Variants in GOLGA6L9 observed in about 807,000 individuals in gnomAD.
GOLGA6L9 encodes golgin subfamily A member 6-like protein 9.
GOLGA6L9 carries 19 observed loss-of-function variants against 51.3 expected under a neutral mutation model. The observed-to-expected ratio is 0.37, with a 90% CI of 0.26 to 0.54. The LOEUF (loss-of-function observed/expected upper bound fraction) is 0.54, where lower values mean the gene tolerates loss of function less well. GOLGA6L9 is among the 20% of genes least tolerant of loss of function. The pLI is 0.83. For synonymous variants in GOLGA6L9, 97 were observed against 184.2 expected (o/e 0.53, Z 3.83); for missense variants, 247 against 464.1 (o/e 0.53, Z 4.30).
upstream of GOLGA6L9, among the ~76,000 whole-genome samples, chr15:82,427,772 C>T (rs1252282754): frequency 7.2e-6 from 1 of 139,728 alleles, no homozygotes; most frequent in African/African-American, 2.8e-5. Flanking sequence ...AAGTAATCCT[C>T]CCACCTCGGC....
At chr15:82,419,364 G>A in the GOLGA6L9 span, 38,309 of 142,548 alleles carry the variant, frequency 0.27, 5,327 homozygotes, top group South Asian at 0.41. Flanking sequence ...TTTTTTTTTC[G>A]TAGCTCCTAC....
chr15:82,420,085 T>G, the GOLGA6L9 span: 1 of 398,090 alleles, frequency 2.5e-6, no homozygotes, highest in South Asian at 2.5e-5. Flanking sequence ...GGTAATTTTA[T>G]TAAGAATTTT....
chr15:82,436,968 G>A lies in GOLGA6L9; in HGVS notation c.*557G>A, dbSNP rs1317491269. 6.3e-6 allele frequency: 1 copy of A among 158,790 alleles called. No individual in the cohort carries two copies. Among genetic ancestry groups the A allele is most frequent in the African/African-American group, 2.4e-5 (1 of 41,262 alleles). 9.8% of individuals were successfully genotyped at this position (158,790 alleles called of 1,614,324 possible). On this transcript the variant is annotated 3_prime_UTR_variant, in exon 9 of 9. Transcript: ENST00000618348. ...AGTGAGCTCTTCATTAGCTCAATAT[G>A]TGGTTTGCCCTCTGGAAACAGCCTT...
At chr15:82,428,937 C>G (rs2031289867), upstream of GOLGA6L9, among the ~76,000 whole-genome samples, 1 of 150,880 alleles carries the variant, frequency 6.6e-6, no homozygotes, top group Admixed American at 6.6e-5. Context: ...GTGAGAAATT[C>G]AGTTTCATTT....
At chr15:82,418,706 A>G in the GOLGA6L9 span, 4 of 152,254 alleles carry the variant, frequency 2.6e-5, no homozygotes, top group Non-Finnish European at 5.9e-5. Context: ...GAGGAGCCAC[A>G]TGGTGTGAAC....
At chr15:82,432,772 T>G in intron 3 of GOLGA6L9, 45 bp from the exon 4 acceptor site, 2 of 1,524,220 alleles carry the variant, frequency 1.3e-6, no homozygotes, top group Non-Finnish European at 1.8e-6. Context: ...TCTCTACCCC[T>G]CCCCACAATC....
chr15:82,434,273 C>G lies in GOLGA6L9; in HGVS notation c.673C>G (p.Gln225Glu), dbSNP rs1449864201. Residue 225 changes from glutamine (Q) to glutamate (E), a missense_variant, in exon 6 of 9, where the codon CAG becomes GAG. Gln to Glu is a conservative substitution (Grantham distance 29). Transcript: ENST00000618348. Reference protein sequence around the residue: ...LCEQEERLCEQEERLREQEER... With the variant: ...LCEQEERLCEEEERLREQEER... ...TGAACAGGAGGAGAGGCTGTGTGAACAGGAGGAGAGGCTACGTGAACAGGA... is the reference window on the plus strand; with the variant it reads ...TGAACAGGAGGAGAGGCTGTGTGAAGAGGAGGAGAGGCTACGTGAACAGGA... 6.4e-7 allele frequency: 1 copy of G among 1,553,004 alleles called. No individual in the cohort carries two copies. The highest frequency in any genetic ancestry group is 8.6e-7 in the Non-Finnish European group (1 of 1,156,396).
chr15:82,418,116 A>G, the GOLGA6L9 span, among the ~76,000 whole-genome samples: 1 of 152,218 alleles, frequency 6.6e-6, no homozygotes, highest in African/African-American at 2.4e-5. Context: ...GGAGTTAAAG[A>G]GGGCTTCTTT....
the GOLGA6L9 span, among the ~76,000 whole-genome samples, chr15:82,416,541 T>A: frequency 2.6e-5 from 4 of 152,140 alleles, no homozygotes; most frequent in Admixed American, 2.0e-4. Flanking sequence ...GAACCTACAT[T>A]GGTGTGGTAG....
chr15:82,420,097 C>T, the GOLGA6L9 span: 2 of 368,746 alleles, frequency 5.4e-6, no homozygotes, highest in South Asian at 5.8e-5. Context: ...AAGAATTTTA[C>T]ATAAACCATA....
At chr15:82,429,061 T>A (rs1222111371), upstream of GOLGA6L9, among the ~76,000 whole-genome samples, 1 of 152,052 alleles carries the variant, frequency 6.6e-6, no homozygotes, top group Non-Finnish European at 1.5e-5. Flanking sequence ...CTACTTATTT[T>A]GTATCTTATT....
At chr15:82,417,117 G>A in the GOLGA6L9 span, among the ~76,000 whole-genome samples, 2 of 152,184 alleles carry the variant, frequency 1.3e-5, no homozygotes, top group Non-Finnish European at 2.9e-5. Context: ...GTGGCATTTT[G>A]TAATTGACTT....
At chr15:82,429,217 A>T (rs1321035875), upstream of GOLGA6L9, among the ~76,000 whole-genome samples, 1 of 151,376 alleles carries the variant, frequency 6.6e-6, no homozygotes, top group East Asian at 2.0e-4. Flanking sequence ...TGGGATTACA[A>T]GCACCCACCA....
At chr15:82,416,354 C>A in the GOLGA6L9 span, among the ~76,000 whole-genome samples, 1 of 151,968 alleles carries the variant, frequency 6.6e-6, no homozygotes, top group Non-Finnish European at 1.5e-5. Context: ...ACTATTACCC[C>A]TGGATATTCA....
At chr15:82,427,302 C>A (rs2031226800), upstream of GOLGA6L9, among the ~76,000 whole-genome samples, 1 of 128,944 alleles carries the variant, frequency 7.8e-6, no homozygotes, top group Non-Finnish European at 1.6e-5. Context: ...TCCCTCCCTC[C>A]CTCCCTCTCT....
Position 82,438,520 on chromosome 15 carries a change from A to T in GOLGA6L9, c.*2109A>T, listed in dbSNP as rs17143651. ...TCATTCAGCCAAGTATTTGTTCTCTACCTCATTCAGTATAAGGCAGCCTTT... is the reference window on the plus strand; with the variant it reads ...TCATTCAGCCAAGTATTTGTTCTCTTCCTCATTCAGTATAAGGCAGCCTTT... On this transcript the variant is annotated 3_prime_UTR_variant, in exon 9 of 9. Transcript: ENST00000618348. 1.3e-5 allele frequency: 2 copies of T among 150,164 alleles called. No individual in the cohort carries two copies. Among genetic ancestry groups the T allele is most frequent in the African/African-American group, 2.4e-5 (1 of 40,932 alleles). 9.3% of individuals were successfully genotyped at this position (150,164 alleles called of 1,614,324 possible). A position where few individuals can be genotyped will look rare whatever the true frequency, so the allele number is the denominator to read the frequency against.
rs1242374985 is a variant in GOLGA6L9 at position 82,434,463 on chromosome 15, G to A, written c.863G>A (p.Arg288Gln). 24 of 1,548,502 alleles carry A rather than the reference G, an allele frequency of 1.5e-5. No homozygotes were observed. The highest frequency in any genetic ancestry group is 4.1e-5 in the African/African-American group (3 of 73,668). The change falls in exon 6 of 9, where the codon CGG (arginine) becomes CAG (glutamine). Residue 288 changes from arginine to glutamine, a missense_variant. Arg to Gln is a conservative substitution (Grantham distance 43). Transcript: ENST00000618348. ...VEELLEQERL[R>Q]QQDERLWQQE... ...GAGCTCCTGGAGCAGGAGAGGCTTC[G>A]GCAACAGGATGAGAGGCTGTGGCAG...
In GOLGA6L9 at chr15:82,436,358, T is replaced by A. The variant is rs1222386438; in HGVS notation, c.1246T>A (p.Cys416Ser). The change falls in exon 9 of 9, where the codon TGC becomes AGC. Residue 416 changes from cysteine to serine, a missense_variant. Cys to Ser is a moderately radical substitution (Grantham distance 112). This residue lies in a region of GOLGA6L9 where 20 missense variants were observed against 25.1 expected (regional missense o/e 0.80). Transcript: ENST00000618348. ...GGCAGGAGGAGCAGGAGAGGCTGCA[T>A]GCCATTCTTTTCGGGCTGCCGAGAA... ...EAAGGAGEAACHSFRAAENRE... is the reference protein window; with the variant it reads ...EAAGGAGEAASHSFRAAENRE... 1.3e-6 allele frequency: 2 copies of A among 1,596,560 alleles called. No homozygotes were observed. The highest frequency in any genetic ancestry group is 4.5e-5 in the East Asian group (2 of 44,622).
Position 82,433,547 on chromosome 15 carries a change from C to G in GOLGA6L9, c.346-15C>G. The G allele has an allele frequency of 1.1e-6, 1 of 950,016 alleles. No individual in the cohort carries two copies. Among genetic ancestry groups the G allele is most frequent in the South Asian group, 1.8e-5 (1 of 55,974 alleles). 58.8% of individuals were successfully genotyped at this position (950,016 alleles called of 1,614,324 possible). ...CCCTCCCTCCAGTACCCTTTTCCCC[C>G]TTTGCTTTGGGCAGGTTCGCACATC... On this transcript the variant is annotated splice_polypyrimidine_tract_variant and intron_variant, in intron 4 of 8. Coordinates refer to ENST00000618348, the MANE Select transcript of GOLGA6L9 (RefSeq NM_198181.4).
Sources: gnomAD v4.1 joint callset for allele counts (sites outside exome capture counted in the v4.1 genomes callset) on GRCh38, gnomAD v4.1.1 for gene constraint, gnomAD v4.1.1 regional missense constraint, MANE v1.5 for transcripts, NCBI Gene and HGNC (gene_info 2026-07-23, HGNC 2026-07-21) for gene names.